Variants in OTULINL observed in about 807,000 individuals in gnomAD.
The protein encoded by OTULINL is inactive ubiquitin thioesterase OTULINL.
In OTULINL, 42 loss-of-function variants were observed where a neutral mutation model predicts 43.9. The ratio of observed to expected loss-of-function variants is 0.96; its 90% CI spans 0.75 to 1.24. The LOEUF is 1.24. Ranked by LOEUF, OTULINL falls within the 50% of genes most tolerant of loss-of-function variation. The pLI, the probability that OTULINL is intolerant of heterozygous loss-of-function variation, is 0.00. For missense variants in OTULINL, 411 were observed against 426.4 expected, an observed-to-expected ratio of 0.96 and a Z score of 0.32; for synonymous variants, 172 against 153.6, an observed-to-expected ratio of 1.12 and a Z score of -0.88.
At chr5:14,595,459 T>C (rs1759269446) in intron 1 of OTULINL, among the ~76,000 whole-genome samples, 1 of 152,202 alleles carries the variant, frequency 6.6e-6, no homozygotes, top group Non-Finnish European at 1.5e-5. Flanking sequence ...GTAGAACTGC[T>C]GTTTGCACGA....
At position 14,610,218 on chromosome 5, in the gene OTULINL, C is replaced by CT. The variant is rs745862133; in HGVS notation, c.978dup (p.Glu327Ter). ...GACTGTTCAAGTTTAACTCCAGAGA[C>CT]TTTGAAGTCTGCTACCCAGAGGAGC... On this transcript the variant is annotated frameshift_variant, in exon 8 of 8. Coordinates refer to ENST00000274217, the MANE Select transcript of OTULINL (RefSeq NM_019018.3). LOFTEE classifies it high-confidence loss of function. The CT allele has an allele frequency of 1.2e-6, 2 of 1,613,986 alleles. No homozygotes were observed. Among genetic ancestry groups the CT allele is most frequent in the African/African-American group, 2.7e-5 (2 of 74,910 alleles).
chr5:14,596,059 C>T (rs1165673421), intron 1 of OTULINL, among the ~76,000 whole-genome samples: 4 of 152,138 alleles, frequency 2.6e-5, no homozygotes, highest in African/African-American at 9.7e-5. Context: ...TTTCCACTTC[C>T]CCTTGCAACT....
intron 7 of OTULINL, 82 bp from the exon 8 acceptor site, chr5:14,610,059 A>G: frequency 8.2e-7 from 1 of 1,223,328 alleles, no homozygotes; most frequent in South Asian, 1.3e-5. Context: ...CATAAACTGC[A>G]GAGGAACACT....
chr5:14,611,274 C>G lies in OTULINL; in HGVS notation c.*960C>G, dbSNP rs537084017. ...ATGATGCTGAAATAGGGAGATTTTTCTAGATTCTCCAGGTGGACGCAGTGT... is the reference window on the plus strand; with the variant it reads ...ATGATGCTGAAATAGGGAGATTTTTGTAGATTCTCCAGGTGGACGCAGTGT... On this transcript the variant is annotated 3_prime_UTR_variant, in exon 8 of 8. Transcript: ENST00000274217. 1.3e-5 allele frequency: 2 copies of G among 152,236 alleles called. No homozygotes were observed. The highest frequency in any genetic ancestry group is 1.9e-4 in the East Asian group (1 of 5,192). The allele number at this position is 152,236 out of a possible 1,614,324, so 9.4% of individuals were successfully genotyped here.
At position 14,600,982 on chromosome 5, in the gene OTULINL, T is replaced by C. The variant is rs763425084; in HGVS notation, c.82T>C (p.Ser28Pro). The C allele has an allele frequency of 6.7e-7, 1 of 1,485,672 alleles. No individual in the cohort carries two copies. Among genetic ancestry groups the C allele is most frequent in the South Asian group, 1.4e-5 (1 of 73,664 alleles). The allele number at this position is 1,485,672 out of a possible 1,614,324, so 92.0% of individuals were successfully genotyped here. ...APAAGSDQVH[S>P]WMLATSQALD... The stretch of plus-strand genomic sequence containing the variant: ...TTTCATAGGAAGTGACCAAGTTCAC[T>C]CCTGGATGCTAGCTACAAGCCAAGC... Residue 28 changes from serine (S) to proline (P), a missense_variant, in exon 2 of 8, where the codon TCC becomes CCC. Coordinates refer to ENST00000274217, the MANE Select transcript of OTULINL (RefSeq NM_019018.3).
At chr5:14,607,197 T>C in intron 5 of OTULINL, 133 bp from the exon 6 acceptor site, 4 of 1,001,928 alleles carry the variant, frequency 4.0e-6, no homozygotes, top group Non-Finnish European at 5.7e-6. Flanking sequence ...GCCACTGCAC[T>C]CCAGCCTGGG....
intron 7 of OTULINL, among the ~76,000 whole-genome samples, chr5:14,609,391 ACTT>A (rs1251516493): frequency 6.6e-6 from 1 of 152,204 alleles, no homozygotes; most frequent in Admixed American, 6.5e-5. Flanking sequence ...ATTAATTGAA[ACTT>A]TCTAAAGCCA....
chr5:14,597,329 C>A (rs1261987118), intron 1 of OTULINL, among the ~76,000 whole-genome samples: 1 of 152,098 alleles, frequency 6.6e-6, no homozygotes, highest in African/African-American at 2.4e-5. Context: ...ACTGAGCACT[C>A]ACTGTGCACC....
rs1450817673 is a variant in OTULINL, at chr5:14,614,447, G to T, written c.*4133G>T. On this transcript the variant is annotated 3_prime_UTR_variant, in exon 8 of 8. Transcript: ENST00000274217. The stretch of plus-strand genomic sequence containing the variant: ...ACACAAAATTTAGTGGGTCCAAATT[G>T]TTCAATCACTTCTATGTTATTTGTT... 5.0e-6 allele frequency: 2 copies of T among 396,488 alleles called. No individual in the cohort carries two copies. The highest frequency in any genetic ancestry group is 4.1e-5 in the African/African-American group (2 of 48,586). The allele number at this position is 396,488 out of a possible 1,614,324, so 24.6% of individuals were successfully genotyped here.
At chr5:14,591,154 C>T (rs1011698141) in intron 1 of OTULINL, among the ~76,000 whole-genome samples, 3 of 152,114 alleles carry the variant, frequency 2.0e-5, no homozygotes, top group Non-Finnish European at 2.9e-5. Flanking sequence ...CCTGGCAGGT[C>T]AAAGCAGTGA....
intron 5 of OTULINL, 59 bp from the exon 6 acceptor site, chr5:14,607,271 A>G: frequency 6.3e-7 from 1 of 1,581,670 alleles, no homozygotes; most frequent in Non-Finnish European, 8.6e-7. Context: ...CTATACAGCA[A>G]ATTGTGTGTA....
intron 1 of OTULINL, among the ~76,000 whole-genome samples, chr5:14,592,465 T>C (rs1320833589): frequency 2.6e-5 from 4 of 152,194 alleles, no homozygotes; most frequent in Non-Finnish European, 5.9e-5. Flanking sequence ...TTTTCTGTGC[T>C]TCAGTTTCTT....
At position 14,616,000 on chromosome 5, in the gene OTULINL, C is replaced by G. The variant is rs1376702543; in HGVS notation, c.*5686C>G. Among the ~76,000 whole-genome samples, 1 of 152,226 alleles carries G rather than the reference C, an allele frequency of 6.6e-6. No individual in the cohort carries two copies. Among genetic ancestry groups the G allele is most frequent in the Admixed American group, 6.5e-5 (1 of 15,284 alleles). ...TCATTGTAAAACAGTGCTTTTTAAA[C>G]TATCCATGGTAAAGGATGAGTTTTA... On this transcript the variant is annotated 3_prime_UTR_variant, in exon 8 of 8. Transcript: ENST00000274217.
At chr5:14,608,655 C>A in intron 6 of OTULINL, 93 bp from the exon 7 acceptor site, 1 of 1,038,850 alleles carries the variant, frequency 9.6e-7, no homozygotes. Flanking sequence ...TTCTATTAAT[C>A]TTTGGTTTAT....
intron 1 of OTULINL, among the ~76,000 whole-genome samples, chr5:14,591,541 C>T (rs576205539): frequency 1.2e-4 from 19 of 152,278 alleles, no homozygotes; most frequent in Non-Finnish European, 2.5e-4. Flanking sequence ...AGATCAATCT[C>T]TCACCTTCAG....
intron 5 of OTULINL, among the ~76,000 whole-genome samples, chr5:14,603,953 A>G (rs1178777535): frequency 6.6e-6 from 1 of 152,170 alleles, no homozygotes. Context: ...ACTTGTTTCT[A>G]TTAGTTCCAT....
chr5:14,609,116 C>T lies in OTULINL; in HGVS notation c.897+99C>T, dbSNP rs116114888. ...GGTGACTTTTCAGTGGTGACATAAG[C>T]GATTGCACAGAGGTGGTTGATTGAT... On this transcript the variant is annotated intron_variant, in intron 7 of 7. Transcript: ENST00000274217. The T allele has an allele frequency of 2.8e-3, 3,340 of 1,203,918 alleles. 40 individuals carry two copies. In the African/African-American group the frequency reaches 0.03, roughly 11 times the overall value. The allele number at this position is 1,203,918 out of a possible 1,614,324, so 74.6% of individuals were successfully genotyped here.
In OTULINL at chr5:14,610,132, C is replaced by T; in HGVS notation, c.898-9C>T. 1 of 1,608,806 alleles carries T rather than the reference C, an allele frequency of 6.2e-7. No homozygotes were observed. The highest frequency in any genetic ancestry group is 8.5e-7 in the Non-Finnish European group (1 of 1,175,570). ...TGTATCTGTGACCTGTCTTTCATCT[C>T]ATCCACAGATTGATATGTTTATACT... On this transcript the variant is annotated splice_polypyrimidine_tract_variant and intron_variant, in intron 7 of 7. Transcript: ENST00000274217.
chr5:14,588,636 G>A (rs1221160814), intron 1 of OTULINL, among the ~76,000 whole-genome samples: 3 of 152,180 alleles, frequency 2.0e-5, no homozygotes, highest in African/African-American at 4.8e-5. Context: ...TCAAAGAGAG[G>A]TAGCTCCCCA....
Sources: gnomAD v4.1 joint callset for allele counts (sites outside exome capture counted in the v4.1 genomes callset) on GRCh38, gnomAD v4.1.1 for gene constraint, MANE v1.5 for transcripts, NCBI Gene and HGNC (gene_info 2026-07-23, HGNC 2026-07-21) for gene names.